Variants in DYM observed in about 807,000 individuals in gnomAD.
DYM encodes the protein dyggve-Melchior-Clausen syndrome protein.
Under a neutral mutation model 93.1 loss-of-function variants are expected in DYM, and 78 were observed. The observed-to-expected ratio is 0.84, with a 90% CI of 0.70 to 1.01. The LOEUF (loss-of-function observed/expected upper bound fraction) is 1.01, where lower values mean the gene tolerates loss of function less well. Among genes scored for constraint, DYM ranks in the 50% least tolerant of loss-of-function variants. The pLI, the probability that DYM is intolerant of heterozygous loss-of-function variation, is 0.00. For synonymous variants in DYM, 321 were observed against 319.7 expected (o/e 1.00, Z -0.04); for missense variants, 789 against 845.0 (o/e 0.93, Z 0.82).
chr18:49,247,256 T>C (rs2094191878), intron 13 of DYM, among the ~76,000 whole-genome samples: 1 of 152,160 alleles, frequency 6.6e-6, no homozygotes, highest in Non-Finnish European at 1.5e-5. Flanking sequence ...CCTGTGGGTA[T>C]GGGAACCACA....
chr18:49,360,299 C>G (rs1251346233), intron 6 of DYM, among the ~76,000 whole-genome samples: 1 of 146,610 alleles, frequency 6.8e-6, no homozygotes, highest in African/African-American at 2.5e-5. Flanking sequence ...AAGATATATA[C>G]TAAATTCCTG....
intron 13 of DYM, among the ~76,000 whole-genome samples, chr18:49,214,527 C>T (rs1439827986): frequency 1.4e-5 from 2 of 143,388 alleles, no homozygotes; most frequent in Non-Finnish European, 3.0e-5. Flanking sequence ...ACAGAATATA[C>T]ATTTAAATAG....
At chr18:49,165,056 A>G (rs185192738) in intron 14 of DYM, among the ~76,000 whole-genome samples, 234 of 152,302 alleles carry the variant, frequency 1.5e-3, no homozygotes, top group African/African-American at 5.1e-3. Context: ...AAAGATACAG[A>G]CAAGTTAACA....
chr18:49,266,397 T>A (rs372186222), intron 11 of DYM, among the ~76,000 whole-genome samples: 1 of 152,102 alleles, frequency 6.6e-6, no homozygotes, highest in South Asian at 2.1e-4. Context: ...AGGCAAATCA[T>A]TTGAGACCAG....
At chr18:49,355,384 T>C (rs1344256569) in intron 6 of DYM, among the ~76,000 whole-genome samples, 4 of 114,836 alleles carry the variant, frequency 3.5e-5, no homozygotes, top group African/African-American at 1.5e-4. Context: ...AGATGATACA[T>C]AGATAGATGA....
intron 16 of DYM, chr18:49,114,473 T>G (rs1393803974): frequency 1.2e-6 from 1 of 861,628 alleles, no homozygotes; most frequent in Admixed American, 6.2e-5. Context: ...AACATCCTGC[T>G]TTTACTTCTA....
intron 8 of DYM, among the ~76,000 whole-genome samples, chr18:49,318,786 T>C (rs2062211570): frequency 6.6e-6 from 1 of 150,770 alleles, no homozygotes; most frequent in South Asian, 2.1e-4. Flanking sequence ...CAGGTAACAT[T>C]ATTTCTTTTT....
chr18:49,129,748 T>G (rs969509916), intron 15 of DYM, among the ~76,000 whole-genome samples: 20 of 152,250 alleles, frequency 1.3e-4, no homozygotes, highest in African/African-American at 4.8e-4. Context: ...TGATAACTGC[T>G]GCTGGGGGCA....
chr18:49,202,259 T>C (rs533441067), intron 14 of DYM, among the ~76,000 whole-genome samples: 2 of 152,334 alleles, frequency 1.3e-5, no homozygotes, highest in African/African-American at 4.8e-5. Flanking sequence ...TCGCGACCTT[T>C]TGGTCAGAGC....
chr18:49,378,890 A>G (rs2067773591), intron 4 of DYM, among the ~76,000 whole-genome samples, 190 bp from the exon 5 acceptor site: 1 of 152,138 alleles, frequency 6.6e-6, no homozygotes. Context: ...TTTACTTCAT[A>G]GTTCATTCCA....
intron 6 of DYM, 127 bp downstream of exon 6, chr18:49,363,034 G>A: frequency 1.3e-6 from 1 of 741,116 alleles, no homozygotes; most frequent in Non-Finnish European, 2.4e-6. Context: ...GAACTCTGTG[G>A]ATATAGAATC....
At chr18:49,090,142 A>C (rs190238420) in intron 17 of DYM, among the ~76,000 whole-genome samples, 9 of 152,210 alleles carry the variant, frequency 5.9e-5, no homozygotes, top group African/African-American at 2.2e-4. Flanking sequence ...GCCTGTGTTT[A>C]CTATTCCATG....
intron 10 of DYM, 119 bp downstream of exon 10, chr18:49,281,878 C>T: frequency 1.0e-6 from 1 of 973,544 alleles, no homozygotes; most frequent in African/African-American, 1.7e-5. Flanking sequence ...GGGTGCAGCA[C>T]ACCAACATGG....
intron 11 of DYM, among the ~76,000 whole-genome samples, chr18:49,266,454 A>G (rs1180042985): frequency 1.3e-5 from 2 of 152,116 alleles, no homozygotes; most frequent in African/African-American, 4.8e-5. Flanking sequence ...ATCTCCACAG[A>G]ACAAAAATTA....
At chr18:49,084,627 T>C (rs1465275881) in intron 17 of DYM, among the ~76,000 whole-genome samples, 1 of 152,206 alleles carries the variant, frequency 6.6e-6, no homozygotes, top group Admixed American at 6.5e-5. Flanking sequence ...GGAATTTTTT[T>C]AGTAGCTCAA....
intron 14 of DYM, chr18:49,208,354 G>A (rs940610179): frequency 6.6e-6 from 1 of 152,044 alleles, no homozygotes; most frequent in Non-Finnish European, 1.5e-5. Flanking sequence ...CTTTCCATAA[G>A]CCAGTGGAAA....
At chr18:49,281,941 T>C in intron 10 of DYM, 56 bp downstream of exon 10, 1 of 1,564,750 alleles carries the variant, frequency 6.4e-7, no homozygotes, top group Non-Finnish European at 8.7e-7. Flanking sequence ...ACCCTAAAAC[T>C]TAAAGTATAA....
At chr18:49,432,398 T>C (rs191580130) in intron 1 of DYM, among the ~76,000 whole-genome samples, 1 of 151,162 alleles carries the variant, frequency 6.6e-6, no homozygotes, top group African/African-American at 2.4e-5. Context: ...TACAATAGTA[T>C]TTTAAGCTAT....
intron 11 of DYM, among the ~76,000 whole-genome samples, chr18:49,260,624 A>T (rs1399811829): frequency 6.6e-6 from 1 of 152,236 alleles, no homozygotes; most frequent in Admixed American, 6.5e-5. Flanking sequence ...GCAGTATATG[A>T]GAAAGTTCCA....
Sources: gnomAD v4.1 joint callset for allele counts (sites outside exome capture counted in the v4.1 genomes callset) on GRCh38, gnomAD v4.1.1 for gene constraint, MANE v1.5 for transcripts, NCBI Gene and HGNC (gene_info 2026-07-23, HGNC 2026-07-21) for gene names.